The following BDP1 variants were observed in gnomAD, a reference collection of about 807,000 sequenced individuals.
The protein encoded by BDP1 is BDP1 general transcription factor IIIB subunit, also known as transcription factor TFIIIB component B'' homolog.
BDP1 carries 169 observed loss-of-function variants against 266.6 expected under a neutral mutation model. The ratio of observed to expected loss-of-function variants is 0.63; its 90% CI spans 0.56 to 0.72. BDP1 has a LOEUF of 0.72. BDP1 is among the 30% of genes least tolerant of loss of function. BDP1 has a pLI of 0.00. For synonymous variants in BDP1, 1,090 were observed against 1,022.4 expected, an observed-to-expected ratio of 1.07 and a Z score of -1.26; for missense variants, 3,015 against 3,053.8, an observed-to-expected ratio of 0.99 and a Z score of 0.30.
At chr5:71,489,330 T>C (rs1003269115) in intron 9 of BDP1, 74 bp from the exon 10 acceptor site, 4 of 1,104,346 alleles carry the variant, frequency 3.6e-6, no homozygotes, top group South Asian at 1.6e-5. Flanking sequence ...AGGACATCTT[T>C]GAGTCTCTTT....
chr5:71,518,659 G>C lies in BDP1; in HGVS notation c.4991+1207G>C, dbSNP rs142889048. ...TGTAGAGATGGGGTTTCACCATGTT[G>C]CCCAGGCTGGTCCTGAACTCCTGAG... On this transcript the variant is annotated intron_variant, in intron 22 of 38. Coordinates refer to ENST00000358731, the MANE Select transcript of BDP1 (RefSeq NM_018429.3). Among the ~76,000 whole-genome samples the C allele has an allele frequency of 9.8e-4, 149 of 152,014 alleles. 2 individuals carry two copies. Among genetic ancestry groups the C allele is most frequent in the Admixed American group, 9.6e-3 (147 of 15,258 alleles).
At position 71,502,790 on chromosome 5, in the gene BDP1, A is replaced by T. The variant is rs1480715044; in HGVS notation, c.2240A>T (p.Asp747Val). 1.9e-6 allele frequency: 3 copies of T among 1,609,850 alleles called. No homozygotes were observed. In the African/African-American group the frequency reaches 4.0e-5, roughly 22 times the overall value. Residue 747 changes from aspartate (D) to valine (V), a missense_variant and splice_region_variant, in exon 15 of 39, where the codon GAT becomes GTT. By Grantham distance (152) the Asp-to-Val change is radical. This residue lies in a region of BDP1 where 2,383 missense variants were observed against 2,404.9 expected (regional missense o/e 0.99). Transcript: ENST00000358731. ...KNENESCADR[D>V]TPQHMEDQSR... ...GAAAATGAATCCTGTGCTGATAGAGATGTAAGTACTCTGATTCCTCCTCAC... is the reference window on the plus strand; with the variant it reads ...GAAAATGAATCCTGTGCTGATAGAGTTGTAAGTACTCTGATTCCTCCTCAC...
Position 71,517,304 on chromosome 5 carries a change from A to G in BDP1, c.4861-18A>G. On this transcript the variant is annotated intron_variant, in intron 21 of 38. Transcript: ENST00000358731. ...TCTGCTATAAAAATAACATACTAAT[A>G]TGATTTTGTCTTTTCAGTCAAATTC... 7 of 1,580,862 alleles carry G rather than the reference A, an allele frequency of 4.4e-6. No individual in the cohort carries two copies. Among genetic ancestry groups the G allele is most frequent in the Non-Finnish European group, 6.0e-6 (7 of 1,163,012 alleles).
chr5:71,523,016 T>TA, intron 24 of BDP1, 67 bp downstream of exon 24: 1 of 1,397,952 alleles, frequency 7.2e-7, no homozygotes, highest in Non-Finnish European at 9.6e-7. Flanking sequence ...TACCTTAACT[T>TA]ACTGGTAGAA....
At chr5:71,529,466 G>A (rs1467803118) in intron 25 of BDP1, among the ~76,000 whole-genome samples, 1 of 152,228 alleles carries the variant, frequency 6.6e-6, no homozygotes, top group Non-Finnish European at 1.5e-5. Context: ...TTGAGGCGGA[G>A]GATCAGTTGA....
In BDP1 at chr5:71,551,533, C is replaced by T. The variant is rs527994471; in HGVS notation, c.6996-1583C>T. Among the ~76,000 whole-genome samples, 727 of 152,360 alleles carry T rather than the reference C, an allele frequency of 4.8e-3. 4 individuals carry two copies. Among genetic ancestry groups the T allele is most frequent in the Non-Finnish European group, 7.1e-3 (485 of 68,026 alleles). On this transcript the variant is annotated intron_variant, in intron 34 of 38. Coordinates refer to ENST00000358731, the MANE Select transcript of BDP1 (RefSeq NM_018429.3). Reference sequence around the variant, plus strand: ...CTTCTTTCTACACAGACACGGCAACCATCCGATTTCTCAATCTTTTCCTCA... The same window carrying T: ...CTTCTTTCTACACAGACACGGCAACTATCCGATTTCTCAATCTTTTCCTCA...
the BDP1 span, among the ~76,000 whole-genome samples, chr5:71,573,774 TC>T: frequency 5.9e-5 from 9 of 152,174 alleles, no homozygotes; most frequent in East Asian, 1.7e-3. Flanking sequence ...CAAATGGCAC[TC>T]CCAGATACTG....
intron 36 of BDP1, among the ~76,000 whole-genome samples, chr5:71,557,330 T>A (rs1414206787): frequency 6.7e-6 from 1 of 148,902 alleles, no homozygotes; most frequent in African/African-American, 2.5e-5. Context: ...CACCTCAGCC[T>A]CCTAACTAGC....
chr5:71,507,842 T>C (rs1158503450), intron 16 of BDP1, among the ~76,000 whole-genome samples: 1 of 152,232 alleles, frequency 6.6e-6, no homozygotes, highest in Non-Finnish European at 1.5e-5. Context: ...TGAAAAGCAA[T>C]CTTATTCCTA....
intron 9 of BDP1, 34 bp from the exon 10 acceptor site, chr5:71,489,370 T>C: frequency 6.6e-7 from 1 of 1,526,016 alleles, no homozygotes; most frequent in Non-Finnish European, 8.8e-7. Context: ...CTTTAGGTTG[T>C]TTAAATATTT....
intron 7 of BDP1, among the ~76,000 whole-genome samples, chr5:71,480,277 A>ATTTTTTTTTT (rs552593030): frequency 6.7e-5 from 7 of 105,008 alleles, no homozygotes; most frequent in African/African-American, 1.8e-4. Flanking sequence ...TGCCCAGCTA[A>ATTTTTTTTTT]TTTTTTTTTT....
intron 38 of BDP1, among the ~76,000 whole-genome samples, chr5:71,564,423 T>A (rs1329270623): frequency 6.6e-6 from 1 of 152,124 alleles, no homozygotes; most frequent in East Asian, 1.9e-4. Context: ...GAAATTAGGA[T>A]GAAGTAATGG....
At chr5:71,521,932 A>AT (rs1373871478) in intron 22 of BDP1, among the ~76,000 whole-genome samples, 14 of 148,808 alleles carry the variant, frequency 9.4e-5, no homozygotes, top group Non-Finnish European at 1.2e-4. Context: ...TTAAAGTGCC[A>AT]TTATGAAATC....
chr5:71,531,716 C>T (rs1176284450), intron 25 of BDP1, among the ~76,000 whole-genome samples: 1 of 152,094 alleles, frequency 6.6e-6, no homozygotes. Flanking sequence ...GCTGTGTTGG[C>T]CAGGCTGGTC....
At position 71,504,756 on chromosome 5, in the gene BDP1, G is replaced by A. The variant is rs767315920; in HGVS notation, c.2372+5G>A. 11 of 1,610,648 alleles carry A rather than the reference G, an allele frequency of 6.8e-6. No homozygotes were observed. Among genetic ancestry groups the A allele is most frequent in the Non-Finnish European group, 9.3e-6 (11 of 1,179,150 alleles). ...GGTTCTTAATGAATGTCTAAGGTAA[G>A]CATCATTTTGTTGATATATAATCTT... On this transcript the variant is annotated splice_donor_5th_base_variant and intron_variant, in intron 16 of 38. Coordinates refer to ENST00000358731, the MANE Select transcript of BDP1 (RefSeq NM_018429.3).
At chr5:71,544,090 T>C (rs978777020) in intron 30 of BDP1, among the ~76,000 whole-genome samples, 3 of 152,234 alleles carry the variant, frequency 2.0e-5, no homozygotes, top group Non-Finnish European at 4.4e-5. Context: ...TAATTATTGA[T>C]GCTAGTACCA....
At position 71,510,591 on chromosome 5, in the gene BDP1, G is replaced by C. The variant is rs1580108784; in HGVS notation, c.3499G>C (p.Asp1167His). The change falls in exon 17 of 39, where the codon GAT becomes CAT. Residue 1167 changes from aspartate to histidine, a missense_variant. Asp to His is a moderately conservative substitution (Grantham distance 81). Transcript: ENST00000358731. ...TGGCCCAGAGGAGGTCAAGCCTGTA[G>C]ATGAAATGGAGACAGACTTGAAAAC... ...ENGPEEVKPV[D>H]EMETDLKTTG... 8.1e-6 allele frequency: 13 copies of C among 1,613,728 alleles called. No homozygotes were observed. Among genetic ancestry groups the C allele is most frequent in the Non-Finnish European group, 1.0e-5 (12 of 1,179,834 alleles).
intron 22 of BDP1, among the ~76,000 whole-genome samples, chr5:71,521,201 A>G (rs1333362195): frequency 6.6e-6 from 1 of 151,884 alleles, no homozygotes; most frequent in Non-Finnish European, 1.5e-5. Context: ...AAAAAAAAAA[A>G]AGATTAGTTT....
intron 7 of BDP1, among the ~76,000 whole-genome samples, chr5:71,478,905 T>A (rs1762761380): frequency 6.6e-6 from 1 of 152,190 alleles, no homozygotes; most frequent in Non-Finnish European, 1.5e-5. Context: ...TCAGTTTTGA[T>A]AGTTTCTATT....
Sources: gnomAD v4.1 joint callset for allele counts (sites outside exome capture counted in the v4.1 genomes callset) on GRCh38, gnomAD v4.1.1 for gene constraint, gnomAD v4.1.1 regional missense constraint, MANE v1.5 for transcripts, NCBI Gene and HGNC (gene_info 2026-07-23, HGNC 2026-07-21) for gene names.